The following TSC2 variants were observed in gnomAD, a reference collection of about 807,000 sequenced individuals.
TSC2 encodes the protein tuberin.
Under a neutral mutation model 202.2 loss-of-function variants are expected in TSC2, and 29 were observed. The ratio of observed to expected loss-of-function variants is 0.14; its 90% CI spans 0.11 to 0.20. The LOEUF is 0.20. Ranked by LOEUF, TSC2 falls within the 10% of genes least tolerant of loss-of-function variation. The pLI is 1.00. For missense variants in TSC2, 2,429 were observed against 2,420.0 expected, an observed-to-expected ratio of 1.00 and a Z score of -0.08; for synonymous variants, 1,349 against 1,044.0, an observed-to-expected ratio of 1.29 and a Z score of -5.63.
rs2089595149 is a variant in TSC2 at position 2,077,701 on chromosome 16, A to G, written c.2941A>G (p.Ser981Gly). The G allele has an allele frequency of 6.2e-7, 1 of 1,612,884 alleles. No individual in the cohort carries two copies. Among genetic ancestry groups the G allele is most frequent in the African/African-American group, 1.3e-5 (1 of 74,942 alleles). The change falls in exon 26 of 42, where the codon AGT becomes GGT. Residue 981 changes from serine to glycine, a missense_variant. Transcript: ENST00000219476. Reference sequence around the variant, plus strand: ...CGAGGCCTTCCGGTGCCGCAGCATCAGTGTGTCTGAACATGTGGTCCGCAG... The same window carrying G: ...CGAGGCCTTCCGGTGCCGCAGCATCGGTGTGTCTGAACATGTGGTCCGCAG... ...AAEAFRCRSI[S>G]VSEHVVRSRI...
chr16:2,081,805 G>T lies in TSC2; in HGVS notation c.3814+7G>T. ...CTGCCTCGCTCCAACACAGGTGAGT[G>T]GCATGGCGGGCCTTGGCACGGGCTC... On this transcript the variant is annotated splice_region_variant and intron_variant, in intron 31 of 41. Coordinates refer to ENST00000219476, the MANE Select transcript of TSC2 (RefSeq NM_000548.5). 3 of 1,611,722 alleles carry T rather than the reference G, an allele frequency of 1.9e-6. No individual in the cohort carries two copies. The highest frequency in any genetic ancestry group is 2.5e-6 in the Non-Finnish European group (3 of 1,179,934).
intron 35 of TSC2, 24 bp from the exon 36 acceptor site, chr16:2,085,206 C>T (rs763791765): frequency 2.2e-5 from 36 of 1,612,450 alleles, no homozygotes; most frequent in South Asian, 1.1e-5. Context: ...GTCTGGGGCT[C>T]AGGCAGGGCT....
rs919309114 is a variant in TSC2 at position 2,089,462 on chromosome 16, G to C, written c.*852G>C. On this transcript the variant is annotated 3_prime_UTR_variant, in exon 42 of 42. Transcript: ENST00000219476. ...AGCCCGCTGTACCTGAGGACTCGGG[G>C]AAATAAATTAGCATCTCAGAGGCTA... 5.5e-6 allele frequency: 3 copies of C among 548,186 alleles called. No individual in the cohort carries two copies. Among genetic ancestry groups the C allele is most frequent in the Non-Finnish European group, 9.8e-6 (3 of 306,500 alleles). The allele number at this position is 548,186 out of a possible 1,614,324, so 34.0% of individuals were successfully genotyped here.
chr16:2,060,479 G>T (rs551555724), intron 10 of TSC2, among the ~76,000 whole-genome samples, 191 bp from the exon 11 acceptor site: 8 of 152,334 alleles, frequency 5.3e-5, no homozygotes, highest in African/African-American at 1.7e-4. Context: ...GCCCGTCTGG[G>T]TCCTGACTGT....
intron 6 of TSC2, 127 bp from the exon 7 acceptor site, chr16:2,056,065 TTGGG>T: frequency 8.6e-7 from 1 of 1,158,228 alleles, no homozygotes; most frequent in Non-Finnish European, 1.3e-6. Flanking sequence ...TGAGTGCTTG[TTGGG>T]TGGGTGGGAC....
chr16:2,056,079 C>G, intron 6 of TSC2, 117 bp from the exon 7 acceptor site: 1 of 1,357,744 alleles, frequency 7.4e-7, no homozygotes, highest in Non-Finnish European at 1.0e-6. Flanking sequence ...GTGGGTGGGA[C>G]CCCCAGGGAG....
At chr16:2,048,903 C>T (rs979038951) in intron 2 of TSC2, 150 bp downstream of exon 2, 4 of 1,126,480 alleles carry the variant, frequency 3.6e-6, no homozygotes, top group Non-Finnish European at 5.3e-6. Context: ...ACATGTCCTT[C>T]CTCAGGAGAC....
rs1464990066 is a variant in TSC2, at chr16:2,058,729, T to C, written c.849-18T>C. On this transcript the variant is annotated intron_variant, in intron 9 of 41. Transcript: ENST00000219476. Reference sequence around the variant, plus strand: ...CAGGGCCCTGCTCACATTCCGTCTCTCTGGGGAACACTTTTAGAGCCTACA... The same window carrying C: ...CAGGGCCCTGCTCACATTCCGTCTCCCTGGGGAACACTTTTAGAGCCTACA... The C allele has an allele frequency of 6.4e-7, 1 of 1,571,538 alleles. No homozygotes were observed. The highest frequency in any genetic ancestry group is 2.3e-5 in the East Asian group (1 of 43,198).
At chr16:2,053,898 A>G (rs1359760622) in intron 4 of TSC2, 1 of 445,510 alleles carries the variant, frequency 2.2e-6, no homozygotes, top group Non-Finnish European at 4.4e-6. Context: ...CTACTCCTTC[A>G]TGTCCCAGCT....
intron 10 of TSC2, among the ~76,000 whole-genome samples, chr16:2,059,509 GT>G (rs34881847): frequency 0.026 from 1,626 of 63,524 alleles, 70 homozygotes; most frequent in African/African-American, 0.095. Flanking sequence ...CTGGCTAATG[GT>G]TTTTTTTTTT....
intron 25 of TSC2, chr16:2,077,294 A>C: frequency 9.9e-6 from 4 of 403,724 alleles, no homozygotes; most frequent in East Asian, 5.4e-5. Flanking sequence ...ACAGCCTGGA[A>C]TCTGCCGTGG....
In TSC2 at chr16:2,085,402, C is replaced by CCAACGCCCCA. The variant is rs953286990; in HGVS notation, c.4662+83_4662+92dup. 13 of 1,454,488 alleles carry CCAACGCCCCA rather than the reference C, an allele frequency of 8.9e-6. No individual in the cohort carries two copies. In the Admixed American group the frequency reaches 1.7e-4, roughly 19 times the overall value. The allele number at this position is 1,454,488 out of a possible 1,614,324, so 90.1% of individuals were successfully genotyped here. A position where few individuals can be genotyped will look rare whatever the true frequency, so the allele number is the denominator to read the frequency against. ...TGCAGTGGGTAGGGAGTCTGGGCCC[C>CCAACGCCCCA]CAACGCCCCACAGAGCTCAACACTG... On this transcript the variant is annotated intron_variant, in intron 36 of 41. Coordinates refer to ENST00000219476, the MANE Select transcript of TSC2 (RefSeq NM_000548.5).
chr16:2,074,630 C>A (rs1191050912), intron 22 of TSC2: 3 of 581,226 alleles, frequency 5.2e-6, no homozygotes, highest in African/African-American at 3.7e-5. Context: ...AAGCCTCTTC[C>A]CCCCCGAGCA....
chr16:2,084,568 C>T lies in TSC2; in HGVS notation c.4346C>T (p.Ser1449Phe), dbSNP rs759004251. ...GQPEGPLPSS[S>F]PRSPSGLRPR... Reference sequence around the variant, plus strand: ...CCCGAGGGTCCCTTGCCTTCCAGCTCCCCCCGCTCGCCCAGTGGCCTCCGG... The same window carrying T: ...CCCGAGGGTCCCTTGCCTTCCAGCTTCCCCCGCTCGCCCAGTGGCCTCCGG... Residue 1449 changes from serine to phenylalanine, a missense_variant, in exon 34 of 42, where the codon TCC becomes TTC. Coordinates refer to ENST00000219476, the MANE Select transcript of TSC2 (RefSeq NM_000548.5). The T allele has an allele frequency of 2.6e-5, 41 of 1,607,620 alleles. No individual in the cohort carries two copies. Among genetic ancestry groups the T allele is most frequent in the Non-Finnish European group, 3.1e-5 (37 of 1,179,650 alleles).
intron 22 of TSC2, 98 bp from the exon 23 acceptor site, chr16:2,075,701 C>T (rs573239270): frequency 1.5e-6 from 2 of 1,326,996 alleles, no homozygotes; most frequent in Non-Finnish European, 2.1e-6. Context: ...CTCTCCTCTG[C>T]AGCACCCCAT....
chr16:2,075,981 G>C, intron 23 of TSC2, 87 bp from the exon 24 acceptor site: 1 of 1,612,264 alleles, frequency 6.2e-7, no homozygotes, highest in African/African-American at 1.3e-5. Flanking sequence ...TGTCCCCAAG[G>C]CCTGAGCGCC....
chr16:2,083,645 C>T (rs202012527), intron 32 of TSC2, 50 bp from the exon 33 acceptor site: 17 of 1,554,974 alleles, frequency 1.1e-5, no homozygotes, highest in Admixed American at 3.9e-5. Context: ...ACGTCAGGGC[C>T]AGGGCCTGGC....
Position 2,070,635 on chromosome 16 carries a change from C to T in TSC2, c.1839+57C>T, listed in dbSNP as rs558426258. On this transcript the variant is annotated intron_variant, in intron 17 of 41. Transcript: ENST00000219476. ...TGGGGGCCCAGCCAGGTATCCCCGT[C>T]TCGGCAGGTGTGGTTCCTGGAAGCT... 1.7e-5 allele frequency: 28 copies of T among 1,611,216 alleles called. No homozygotes were observed. In the African/African-American group the frequency reaches 2.1e-4, roughly 12 times the overall value.
At chr16:2,062,916 G>A (rs1369653710) in intron 13 of TSC2, 56 bp from the exon 14 acceptor site, 1 of 1,533,530 alleles carries the variant, frequency 6.5e-7, no homozygotes, top group African/African-American at 1.4e-5. Context: ...AGACGGGCTG[G>A]TGTGGGGCTG....
Sources: gnomAD v4.1 joint callset for allele counts (sites outside exome capture counted in the v4.1 genomes callset) on GRCh38, gnomAD v4.1.1 for gene constraint, MANE v1.5 for transcripts, NCBI Gene and HGNC (gene_info 2026-07-23, HGNC 2026-07-21) for gene names.